The following BNC2 variants were observed in gnomAD, a reference collection of about 807,000 sequenced individuals.
BNC2 encodes basonuclin zinc finger protein 2.
BNC2 carries 20 observed loss-of-function variants against 76.3 expected under a neutral mutation model. That is an observed-to-expected ratio of 0.26 (90% confidence interval 0.18 to 0.38). BNC2 has a LOEUF of 0.38. Ranked by LOEUF, BNC2 falls within the 10% of genes least tolerant of loss-of-function variation. BNC2 has a pLI of 1.00. For synonymous variants in BNC2, 582 were observed against 514.8 expected, an observed-to-expected ratio of 1.13 and a Z score of -1.77; for missense variants, 1,382 against 1,399.8, an observed-to-expected ratio of 0.99 and a Z score of 0.20.
intron 3 of BNC2, among the ~76,000 whole-genome samples, chr9:16,722,390 G>A (rs1344152205): frequency 3.3e-5 from 5 of 152,166 alleles, no homozygotes; most frequent in Admixed American, 6.5e-5. Flanking sequence ...TCCTGTCACT[G>A]CATTAATCAG....
At chr9:16,611,934 C>T (rs529128831) in intron 3 of BNC2, among the ~76,000 whole-genome samples, 1 of 152,106 alleles carries the variant, frequency 6.6e-6, no homozygotes, top group East Asian at 1.9e-4. Flanking sequence ...TAAAAATAAC[C>T]TAGTCTCTTT....
At chr9:16,543,785 C>A (rs1818393795) in intron 5 of BNC2, among the ~76,000 whole-genome samples, 1 of 152,178 alleles carries the variant, frequency 6.6e-6, no homozygotes, top group Non-Finnish European at 1.5e-5. Context: ...GAGGCCTCCC[C>A]ATCACGGTAA....
intron 1 of BNC2, among the ~76,000 whole-genome samples, chr9:16,761,305 T>C (rs547258326): frequency 6.6e-6 from 1 of 151,966 alleles, no homozygotes; most frequent in Non-Finnish European, 1.5e-5. Flanking sequence ...GATGAAAAAA[T>C]ATTTCTGGTA....
chr9:16,540,326 T>C (rs550985738), intron 5 of BNC2, among the ~76,000 whole-genome samples: 134 of 152,066 alleles, frequency 8.8e-4, no homozygotes, highest in Non-Finnish European at 1.8e-3. Flanking sequence ...CACTTGTGTA[T>C]TGAAAAGAAT....
chr9:16,676,469 C>T (rs1279387374), intron 3 of BNC2, among the ~76,000 whole-genome samples: 1 of 152,206 alleles, frequency 6.6e-6, no homozygotes, highest in East Asian at 1.9e-4. Flanking sequence ...ACATAAGCAT[C>T]TTATTTAATA....
intron 1 of BNC2, among the ~76,000 whole-genome samples, chr9:16,804,989 G>C (rs1817869955): frequency 6.6e-6 from 1 of 152,060 alleles, no homozygotes. Flanking sequence ...TTGAACTCGG[G>C]AGGTGGAGGT....
intron 5 of BNC2, among the ~76,000 whole-genome samples, chr9:16,541,875 G>A (rs1818331336): frequency 6.6e-6 from 1 of 151,712 alleles, no homozygotes; most frequent in Admixed American, 6.6e-5. Flanking sequence ...ATCCTACTAA[G>A]GAATCTGAAA....
intron 5 of BNC2, among the ~76,000 whole-genome samples, chr9:16,501,500 A>C (rs1158975164): frequency 1.3e-5 from 2 of 152,180 alleles, no homozygotes; most frequent in Non-Finnish European, 2.9e-5. Context: ...GGGTGTCCAA[A>C]TGGAAGATGA....
chr9:16,599,128 T>G (rs1345096738), intron 3 of BNC2, among the ~76,000 whole-genome samples: 2 of 152,172 alleles, frequency 1.3e-5, no homozygotes, highest in Non-Finnish European at 2.9e-5. Context: ...CCAAAGACAA[T>G]GCTAGAAATT....
chr9:16,544,480 G>A (rs1587151697), intron 5 of BNC2, among the ~76,000 whole-genome samples: 1 of 152,070 alleles, frequency 6.6e-6, no homozygotes, highest in South Asian at 2.1e-4. Flanking sequence ...TGATAAAATA[G>A]GGAAATATAA....
intron 1 of BNC2, among the ~76,000 whole-genome samples, chr9:16,838,128 A>G (rs1231057971): frequency 1.3e-5 from 2 of 152,228 alleles, no homozygotes; most frequent in Non-Finnish European, 2.9e-5. Context: ...TAAATAAGGC[A>G]TACATAATGC....
Position 16,870,627 on chromosome 9 carries a change from G to C in BNC2, c.3+19C>G, listed in dbSNP as rs771934441. The C allele has an allele frequency of 1.2e-6, 2 of 1,610,612 alleles. No homozygotes were observed. Among genetic ancestry groups the C allele is most frequent in the South Asian group, 2.2e-5 (2 of 90,700 alleles). The stretch of plus-strand genomic sequence containing the variant: ...AGGAAGTCTAGAATAAAAGAGGAAG[G>C]AGGGTGGAAACTTCTTACCATCTCG... On this transcript the variant is annotated intron_variant, in intron 1 of 6. Coordinates refer to ENST00000380672, the MANE Select transcript of BNC2 (RefSeq NM_017637.6).
At chr9:16,542,872 T>C (rs1036942202) in intron 5 of BNC2, among the ~76,000 whole-genome samples, 2 of 152,238 alleles carry the variant, frequency 1.3e-5, no homozygotes, top group African/African-American at 4.8e-5. Context: ...ATTTTCTACT[T>C]TTCACAGCCC....
intron 1 of BNC2, among the ~76,000 whole-genome samples, chr9:16,869,889 A>T (rs974612331): frequency 3.3e-5 from 5 of 152,016 alleles, no homozygotes; most frequent in Admixed American, 3.3e-4. Flanking sequence ...TTTTCAGCAT[A>T]TATAATTTTT....
intron 5 of BNC2, among the ~76,000 whole-genome samples, chr9:16,537,451 C>T (rs2132309346): frequency 6.6e-6 from 1 of 152,174 alleles, no homozygotes; most frequent in Non-Finnish European, 1.5e-5. Context: ...CCCAAGCCCT[C>T]CTCAATAGTT....
chr9:16,649,989 G>A (rs562771131), intron 3 of BNC2, among the ~76,000 whole-genome samples: 50 of 152,270 alleles, frequency 3.3e-4, no homozygotes, highest in Middle Eastern at 6.8e-3. Flanking sequence ...TTCCAAAATG[G>A]AGACACCGAA....
chr9:16,813,433 T>G (rs1818105588), intron 1 of BNC2, among the ~76,000 whole-genome samples: 1 of 151,664 alleles, frequency 6.6e-6, no homozygotes, highest in African/African-American at 2.4e-5. Flanking sequence ...GCCCGGCTAA[T>G]TTTTTGTATT....
chr9:16,612,873 T>C, intron 3 of BNC2, among the ~76,000 whole-genome samples: 1 of 152,122 alleles, frequency 6.6e-6, no homozygotes. Flanking sequence ...AGAGACCATG[T>C]CTTGTTTTAC....
chr9:16,731,049 A>G (rs1029048103), intron 2 of BNC2, among the ~76,000 whole-genome samples: 5 of 152,224 alleles, frequency 3.3e-5, no homozygotes, highest in Admixed American at 6.5e-5. Context: ...TGTGTAGAAC[A>G]TTTGACATTA....
Sources: allele counts gnomAD v4.1 joint callset (sites outside exome capture counted in the v4.1 genomes callset), GRCh38; gene constraint gnomAD v4.1.1; transcripts MANE v1.5; gene names NCBI Gene and HGNC (gene_info 2026-07-23, HGNC 2026-07-21).